ASTN2: variants seen among roughly 807,000 people sequenced by gnomAD.
ASTN2 encodes astrotactin-2.
A neutral mutation model predicts 139.8 loss-of-function variants in ASTN2; 54 were observed. The ratio of observed to expected loss-of-function variants is 0.39; its 90% confidence interval spans 0.31 to 0.48. The LOEUF (loss-of-function observed/expected upper bound fraction) is 0.48, where lower values mean the gene tolerates loss of function less well. ASTN2 is among the 20% of genes least tolerant of loss of function. The pLI is 0.95. For synonymous variants in ASTN2, 756 were observed against 719.5 expected (o/e 1.05, Z -0.81); for missense variants, 1,565 against 1,725.1 (o/e 0.91, Z 1.64).
intron 10 of ASTN2, among the ~76,000 whole-genome samples, chr9:116,873,026 CATAGATGA>C (rs1328314163): frequency 2.6e-5 from 4 of 152,154 alleles, no homozygotes; most frequent in Non-Finnish European, 5.9e-5. Context: ...AGAGTAATAT[CATAGATGA>C]ATAGTTTACA....
rs778808961 is a variant in ASTN2 at position 117,008,131 on chromosome 9, T to C, written c.1552A>G (p.Thr518Ala). The change falls in exon 7 of 23, where the codon ACG becomes GCG. Residue 518 changes from threonine to alanine, a missense_variant. This residue lies in a region of ASTN2 where 503 missense variants were observed against 591.7 expected (regional missense o/e 0.85). Transcript: ENST00000313400. ...CAGAGCTGCTCACAGGCATCTGTCGTCCTTTGTCCACAGAGGTCCCTCACC... is the reference window on the plus strand; with the variant it reads ...CAGAGCTGCTCACAGGCATCTGTCGCCCTTTGTCCACAGAGGTCCCTCACC... Reference protein sequence around the residue: ...PWVRDLCGQRTTDACEQLCDP... With the variant: ...PWVRDLCGQRATDACEQLCDP... The C allele has an allele frequency of 6.2e-7, 1 of 1,609,236 alleles. No individual in the cohort carries two copies. Among genetic ancestry groups the C allele is most frequent in the South Asian group, 1.1e-5 (1 of 90,152 alleles).
intron 13 of ASTN2, 107 bp downstream of exon 13, chr9:116,805,525 T>TAACA: frequency 9.8e-7 from 1 of 1,018,594 alleles, no homozygotes; most frequent in East Asian, 2.4e-5. Context: ...AAAGTGATGC[T>TAACA]GGCCAGAATA....
rs1353045913 is a variant in ASTN2 at position 116,928,544 on chromosome 9, G to A, written c.1889+46664C>T. Among the ~76,000 whole-genome samples, 11 of 152,234 alleles carry A rather than the reference G, an allele frequency of 7.2e-5. No individual in the cohort carries two copies. The East Asian group carries it at 1.9e-3, about 27-fold the overall frequency. ...ATACTCAAGCCTACCACGTGCAAGG[G>A]AGATTGCTGGGCACTGCTTTGGAGC... On this transcript the variant is annotated intron_variant, in intron 10 of 22. Coordinates refer to ENST00000313400, the MANE Select transcript of ASTN2 (RefSeq NM_001365068.1).
intron 10 of ASTN2, among the ~76,000 whole-genome samples, chr9:116,890,856 T>C (rs1250415151): frequency 6.6e-6 from 1 of 152,154 alleles, no homozygotes; most frequent in Non-Finnish European, 1.5e-5. Flanking sequence ...AGGCAGCTGC[T>C]CACAGAAAGA....
intron 11 of ASTN2, among the ~76,000 whole-genome samples, chr9:116,827,313 C>CAAAAAAAAAA (rs141242698): frequency 2.5e-5 from 2 of 79,480 alleles, no homozygotes; most frequent in African/African-American, 1.0e-4. Flanking sequence ...CCATCCCCCC[C>CAAAAAAAAAA]AAAAAAAAAA....
chr9:117,151,859 C>T (rs1433714847), intron 3 of ASTN2, among the ~76,000 whole-genome samples: 2 of 152,072 alleles, frequency 1.3e-5, no homozygotes, highest in Non-Finnish European at 2.9e-5. Context: ...CTTCCAAGAC[C>T]CTCATTTAAA....
rs540480096 is a variant in ASTN2, at chr9:117,218,675, T to G, written c.631-3933A>C. Among the ~76,000 whole-genome samples, 29 of 152,330 alleles carry G rather than the reference T, an allele frequency of 1.9e-4. No homozygotes were observed. The South Asian group carries it at 6.0e-3, about 32-fold the overall frequency. On this transcript the variant is annotated intron_variant, in intron 2 of 22. Transcript: ENST00000313400. Reference sequence around the variant, plus strand: ...CTTCTAAATTCAAGTTTACTTACTTTCTGACCTTGGCTTGCTCCTATGGAC... The same window carrying G: ...CTTCTAAATTCAAGTTTACTTACTTGCTGACCTTGGCTTGCTCCTATGGAC...
At chr9:116,701,880 GTTT>G (rs11395772) in intron 16 of ASTN2, among the ~76,000 whole-genome samples, 4 of 133,340 alleles carry the variant, frequency 3.0e-5, no homozygotes, top group Admixed American at 7.5e-5. Flanking sequence ...AGTTTTTTGG[GTTT>G]TTTTTTTTTT....
At chr9:117,127,037 C>T (rs1026529694) in intron 4 of ASTN2, among the ~76,000 whole-genome samples, 5 of 152,172 alleles carry the variant, frequency 3.3e-5, no homozygotes, top group African/African-American at 1.2e-4. Flanking sequence ...GGAAAGGTAT[C>T]ATCCTACGGC....
chr9:116,934,817 GGCACAGACAA>G (rs1298695513), intron 10 of ASTN2, among the ~76,000 whole-genome samples: 6 of 152,148 alleles, frequency 3.9e-5, no homozygotes, highest in Non-Finnish European at 2.9e-5. Flanking sequence ...TCTGAGGCAT[GGCACAGACAA>G]ATGATGGTTG....
rs370590621 is a variant in ASTN2 at position 116,437,875 on chromosome 9, G to A, written c.3782+2734C>T. On this transcript the variant is annotated intron_variant, in intron 22 of 22. Coordinates refer to ENST00000313400, the MANE Select transcript of ASTN2 (RefSeq NM_001365068.1). ...AAGGCCTTGCGCTGGACAGAGATCC[G>A]TTTTATCCCTGGACCAAGCTCTCAT... Among the ~76,000 whole-genome samples, 32 of 152,266 alleles carry A rather than the reference G, an allele frequency of 2.1e-4. No homozygotes were observed. The East Asian group carries it at 3.5e-3, about 17-fold the overall frequency.
At chr9:116,605,885 A>C (rs1335324682) in intron 19 of ASTN2, among the ~76,000 whole-genome samples, 1 of 152,192 alleles carries the variant, frequency 6.6e-6, no homozygotes, top group Non-Finnish European at 1.5e-5. Context: ...GTGTGGGAGT[A>C]GATAGGAAAG....
At chr9:116,616,950 C>T (rs1855888633) in intron 19 of ASTN2, among the ~76,000 whole-genome samples, 1 of 152,192 alleles carries the variant, frequency 6.6e-6, no homozygotes, top group African/African-American at 2.4e-5. Context: ...ATATGCACTC[C>T]ATACAGAGTC....
chr9:116,705,872 A>G (rs1053448437), intron 16 of ASTN2, among the ~76,000 whole-genome samples: 1 of 152,162 alleles, frequency 6.6e-6, no homozygotes, highest in Non-Finnish European at 1.5e-5. Context: ...AAGGTACAAG[A>G]TTAGGATGAA....
intron 10 of ASTN2, among the ~76,000 whole-genome samples, chr9:116,942,805 A>G (rs1042522687): frequency 6.6e-6 from 1 of 152,216 alleles, no homozygotes; most frequent in Admixed American, 6.5e-5. Flanking sequence ...AAAAGCAAGG[A>G]CTTCAGGGAA....
At chr9:116,719,920 G>A (rs900283746) in intron 16 of ASTN2, among the ~76,000 whole-genome samples, 13 of 152,134 alleles carry the variant, frequency 8.5e-5, no homozygotes, top group South Asian at 2.1e-4. Context: ...AAAACTGTCC[G>A]CAGGATATTG....
At chr9:117,032,052 G>A (rs778852793) in intron 6 of ASTN2, among the ~76,000 whole-genome samples, 12 of 152,126 alleles carry the variant, frequency 7.9e-5, no homozygotes, top group Non-Finnish European at 1.3e-4. Flanking sequence ...TGTGGCAGTT[G>A]TCTCAATGAC....
At chr9:117,054,822 A>G (rs1839012561) in intron 5 of ASTN2, among the ~76,000 whole-genome samples, 1 of 152,214 alleles carries the variant, frequency 6.6e-6, no homozygotes, top group African/African-American at 2.4e-5. Context: ...TTTTGGCACC[A>G]GGGATCAGTT....
At chr9:117,023,854 G>T (rs759885537) in intron 6 of ASTN2, among the ~76,000 whole-genome samples, 1 of 152,088 alleles carries the variant, frequency 6.6e-6, no homozygotes, top group Non-Finnish European at 1.5e-5. Context: ...GAGAAGGATG[G>T]GGACTGAAAT....
Sources: allele counts gnomAD v4.1 joint callset (sites outside exome capture counted in the v4.1 genomes callset), GRCh38; gene constraint gnomAD v4.1.1; regional missense constraint gnomAD v4.1.1; transcripts MANE v1.5; gene names NCBI Gene and HGNC (gene_info 2026-07-23, HGNC 2026-07-21).